PEX7: variants seen among roughly 807,000 people sequenced by gnomAD.
The protein encoded by PEX7 is PTS2 receptor.
PEX7 carries 34 observed loss-of-function variants against 47.5 expected under a neutral mutation model. The ratio of observed to expected loss-of-function variants is 0.72; its 90% confidence interval spans 0.54 to 0.95. PEX7 has a LOEUF of 0.95. Among genes scored for constraint, PEX7 ranks in the 40% least tolerant of loss-of-function variants. The probability of loss-of-function intolerance (pLI) is 0.00; values close to 1 mark genes in which losing one functional copy is unlikely to be tolerated. For missense variants in PEX7, 394 were observed against 400.3 expected (o/e 0.98, Z 0.13); for synonymous variants, 141 against 148.8 (o/e 0.95, Z 0.38).
chr6:136,836,575 C>G (rs934537276), intron 3 of PEX7, among the ~76,000 whole-genome samples: 4 of 152,154 alleles, frequency 2.6e-5, no homozygotes, highest in African/African-American at 4.8e-5. Flanking sequence ...GGTGCCATAA[C>G]TAGGTATTGA....
rs117905343 is a variant in PEX7 at position 136,874,591 on chromosome 6, C to T, written c.803+2338C>T. Among the ~76,000 whole-genome samples, 1,054 of 151,130 alleles carry T rather than the reference C, an allele frequency of 7.0e-3. 2 individuals are homozygous for T. Among genetic ancestry groups the T allele is most frequent in the Middle Eastern group, 0.02 (6 of 294 alleles). On this transcript the variant is annotated intron_variant, in intron 8 of 9. Transcript: ENST00000318471. The stretch of plus-strand genomic sequence containing the variant: ...GGAGGCTGAGGTGGAATTGCTTGAA[C>T]CCAGAAGGCAGAGATTGCAGTGAGC...
intron 5 of PEX7, among the ~76,000 whole-genome samples, chr6:136,859,581 A>G (rs187871181): frequency 6.6e-6 from 1 of 152,196 alleles, no homozygotes; most frequent in East Asian, 1.9e-4. Context: ...ATTGGCCCCA[A>G]AGTACCCTTT....
At chr6:136,886,588 G>C (rs576597774) in intron 8 of PEX7, among the ~76,000 whole-genome samples, 1 of 152,126 alleles carries the variant, frequency 6.6e-6, no homozygotes, top group East Asian at 1.9e-4. Flanking sequence ...CTAGCATTAC[G>C]TTAATAACAT....
intron 9 of PEX7, 44 bp downstream of exon 9, chr6:136,898,285 C>T (rs1353356418): frequency 1.7e-6 from 2 of 1,150,212 alleles, no homozygotes; most frequent in Non-Finnish European, 2.6e-6. Context: ...CCCAAGTTCA[C>T]AGCCAACTCT....
At chr6:136,910,356 G>T (rs1775914050) in intron 9 of PEX7, among the ~76,000 whole-genome samples, 1 of 152,134 alleles carries the variant, frequency 6.6e-6, no homozygotes, top group Non-Finnish European at 1.5e-5. Context: ...TACCTAAACT[G>T]ATTTTTTAAA....
chr6:136,911,321 A>G (rs570869953), intron 9 of PEX7, among the ~76,000 whole-genome samples: 23 of 152,178 alleles, frequency 1.5e-4, no homozygotes, highest in Non-Finnish European at 2.2e-4. Flanking sequence ...CCTGTTAGCA[A>G]TTCCTCCCTT....
intron 8 of PEX7, among the ~76,000 whole-genome samples, chr6:136,883,805 CT>C (rs1028989753): frequency 6.6e-6 from 1 of 152,158 alleles, no homozygotes; most frequent in Non-Finnish European, 1.5e-5. Context: ...TAATGGGAAA[CT>C]TATCCCTATT....
intron 9 of PEX7, among the ~76,000 whole-genome samples, chr6:136,909,198 A>T (rs915746606): frequency 7.2e-5 from 11 of 152,272 alleles, no homozygotes; most frequent in African/African-American, 2.7e-4. Context: ...GAATAGGTGT[A>T]TACATAAATT....
chr6:136,864,142 C>G (rs1427344556), intron 5 of PEX7, among the ~76,000 whole-genome samples: 1 of 151,952 alleles, frequency 6.6e-6, no homozygotes, highest in Non-Finnish European at 1.5e-5. Flanking sequence ...TATACAATTA[C>G]TTTTATATCT....
intron 1 of PEX7, among the ~76,000 whole-genome samples, chr6:136,824,710 G>T (rs999531627): frequency 6.6e-6 from 1 of 152,162 alleles, no homozygotes; most frequent in African/African-American, 2.4e-5. Context: ...ATTACCACCA[G>T]TTATGTAGTA....
intron 5 of PEX7, among the ~76,000 whole-genome samples, chr6:136,854,374 A>G (rs909684765): frequency 3.9e-5 from 6 of 152,036 alleles, no homozygotes; most frequent in Non-Finnish European, 8.8e-5. Context: ...TTTAGTAGAG[A>G]CAGGGTTTCA....
At chr6:136,894,045 A>C (rs114559190) in intron 8 of PEX7, among the ~76,000 whole-genome samples, 1 of 152,352 alleles carries the variant, frequency 6.6e-6, no homozygotes, top group African/African-American at 2.4e-5. Context: ...ACAGACTATG[A>C]TGAGCCAGGC....
rs137899098 is a variant in PEX7, at chr6:136,823,552, A to G, written c.130+757A>G. 3.3e-5 allele frequency among the ~76,000 whole-genome samples: 5 copies of G among 152,038 alleles called. 1 individual carries two copies. The East Asian group carries it at 9.7e-4, about 29-fold the overall frequency. Reference sequence around the variant, plus strand: ...CAGCCCAGTGAGCTGAGATCACATCACTCCACTCCAGCCTGGGTGACAGAC... The same window carrying G: ...CAGCCCAGTGAGCTGAGATCACATCGCTCCACTCCAGCCTGGGTGACAGAC... On this transcript the variant is annotated intron_variant, in intron 1 of 9. Transcript: ENST00000318471.
chr6:136,883,158 G>A (rs767902750), intron 8 of PEX7, among the ~76,000 whole-genome samples: 6 of 152,138 alleles, frequency 3.9e-5, no homozygotes, highest in Admixed American at 6.5e-5. Context: ...AATTGTTTCC[G>A]AGTGGAATGA....
chr6:136,858,775 A>G (rs1774907899), intron 5 of PEX7, among the ~76,000 whole-genome samples: 1 of 152,226 alleles, frequency 6.6e-6, no homozygotes, highest in Non-Finnish European at 1.5e-5. Flanking sequence ...TTCAGTGCCG[A>G]ATTCAGAGAA....
intron 5 of PEX7, among the ~76,000 whole-genome samples, chr6:136,855,423 T>C (rs1366219036): frequency 6.6e-6 from 1 of 151,856 alleles, no homozygotes; most frequent in Non-Finnish European, 1.5e-5. Flanking sequence ...CACTGCAACT[T>C]CCGCCTCCCA....
intron 1 of PEX7, chr6:136,823,375 C>T: frequency 1.0e-6 from 1 of 984,094 alleles, no homozygotes; most frequent in Non-Finnish European, 1.2e-6. Context: ...TGCACACATT[C>T]GCAAGTAGGT....
chr6:136,896,062 CAT>C (rs1355662678), intron 8 of PEX7, among the ~76,000 whole-genome samples: 2 of 152,160 alleles, frequency 1.3e-5, no homozygotes, highest in Non-Finnish European at 2.9e-5. Context: ...TAGCTGCACA[CAT>C]GTGTCTTTGT....
chr6:136,900,393 G>C lies in PEX7; in HGVS notation c.903+2152G>C. On this transcript the variant is annotated intron_variant, in intron 9 of 9. Coordinates refer to ENST00000318471, the MANE Select transcript of PEX7 (RefSeq NM_000288.4). This position sits in a 1 kb window ranked among gnomAD's most constrained non-coding sequence, Gnocchi z 4.2. ...CCGTGTACATTTAATCCAGTTTAGTGGCAGGTTCTTTAGCCTTTGCCTTTT... is the reference window on the plus strand; with the variant it reads ...CCGTGTACATTTAATCCAGTTTAGTCGCAGGTTCTTTAGCCTTTGCCTTTT... 2.8e-6 allele frequency: 1 copy of C among 354,274 alleles called. No individual in the cohort carries two copies. The highest frequency in any genetic ancestry group is 5.6e-6 in the Non-Finnish European group (1 of 177,220). 21.9% of individuals were successfully genotyped at this position (354,274 alleles called of 1,614,324 possible).
Sources: gnomAD v4.1 joint callset for allele counts (sites outside exome capture counted in the v4.1 genomes callset) on GRCh38, gnomAD v4.1.1 for gene constraint, Gnocchi (gnomAD v3.1) non-coding constraint, MANE v1.5 for transcripts, NCBI Gene and HGNC (gene_info 2026-07-23, HGNC 2026-07-21) for gene names.